HCN1: variants seen among roughly 807,000 people sequenced by gnomAD.
HCN1 encodes hyperpolarization activated cyclic nucleotide gated potassium channel 1.
HCN1 carries 13 observed loss-of-function variants against 78.9 expected under a neutral mutation model. The observed-to-expected ratio is 0.16, with a 90% confidence interval of 0.11 to 0.26. The LOEUF is 0.26. HCN1 is among the 10% of genes least tolerant of loss of function. The pLI, the probability that HCN1 is intolerant of heterozygous loss-of-function variation, is 1.00. For missense variants in HCN1, 810 were observed against 1,154.3 expected (o/e 0.70, Z 4.32); for synonymous variants, 552 against 455.5 (o/e 1.21, Z -2.70).
intron 2 of HCN1, among the ~76,000 whole-genome samples, chr5:45,607,590 T>C (rs1744748459): frequency 6.7e-6 from 1 of 148,896 alleles, no homozygotes; most frequent in Non-Finnish European, 1.5e-5. Flanking sequence ...TATATATATA[T>C]ATATATCTAT....
intron 3 of HCN1, among the ~76,000 whole-genome samples, chr5:45,424,119 C>CAAAAAAAAAAAAA (rs35117761): frequency 2.9e-5 from 2 of 67,938 alleles, no homozygotes; most frequent in African/African-American, 1.0e-4. Flanking sequence ...ACTAAAAATC[C>CAAAAAAAAAAAAA]AAAAAAAAAA....
intron 3 of HCN1, among the ~76,000 whole-genome samples, chr5:45,399,193 C>T (rs1345053256): frequency 6.6e-6 from 1 of 152,194 alleles, no homozygotes; most frequent in Non-Finnish European, 1.5e-5. Flanking sequence ...CAGATAGTCA[C>T]TCCTAATCTG....
Position 45,267,212 on chromosome 5 carries a change from G to C in HCN1, c.1660C>G (p.Arg554Gly). 1 of 1,613,916 alleles carries C rather than the reference G, an allele frequency of 6.2e-7. No homozygotes were observed. Among genetic ancestry groups the C allele is most frequent in the Non-Finnish European group, 8.5e-7 (1 of 1,179,926 alleles). The stretch of plus-strand genomic sequence containing the variant: ...TAAAGACGACAATATGTATCAGCTC[G>C]AACACTGGCAGTACGACGTCCTTTG... ...LTKGRRTASV[R>G]ADTYCRLYSL... is the part of the protein sequence containing the mutation. The change falls in exon 7 of 8, where the codon CGA (arginine) becomes GGA (glycine). Residue 554 changes from arginine to glycine, a missense_variant. Physicochemically the swap from Arg to Gly is moderately radical, Grantham distance 125. Around this residue, in one of 6 missense-constraint regions of HCN1, gnomAD observed 36 missense variants for 58.5 expected, o/e 0.62. Transcript: ENST00000303230.
chr5:45,332,611 G>A (rs934427596), intron 5 of HCN1, among the ~76,000 whole-genome samples: 4 of 150,922 alleles, frequency 2.7e-5, no homozygotes, highest in Non-Finnish European at 5.9e-5. Flanking sequence ...TACCCAGTAA[G>A]CATCCCCACC....
chr5:45,653,844 C>T (rs1367506066), intron 1 of HCN1, among the ~76,000 whole-genome samples: 1 of 151,886 alleles, frequency 6.6e-6, no homozygotes, highest in Non-Finnish European at 1.5e-5. Context: ...GGGTGCAGCG[C>T]ACCAGCATGT....
chr5:45,659,666 T>TCAGGAGC (rs1745879666), intron 1 of HCN1, among the ~76,000 whole-genome samples: 1 of 139,776 alleles, frequency 7.2e-6, no homozygotes, highest in Non-Finnish European at 1.5e-5. Context: ...TGCAGAAGCC[T>TCAGGAGC]CAGGAGCCGA....
rs7704192 is a variant in HCN1, at chr5:45,486,745, A to G, written c.850-24738T>C. 7.4e-3 allele frequency among the ~76,000 whole-genome samples: 1,134 copies of G among 152,280 alleles called. 13 individuals are homozygous for G. The highest frequency in any genetic ancestry group is 0.026 in the African/African-American group (1,087 of 41,572). ...TAAAGTATAATTTGTTAAATATTTT[A>G]GGAATATTGTACAAGTATAATATCA... On this transcript the variant is annotated intron_variant, in intron 2 of 7. Coordinates refer to ENST00000303230, the MANE Select transcript of HCN1 (RefSeq NM_021072.4).
intron 2 of HCN1, among the ~76,000 whole-genome samples, chr5:45,635,117 T>C (rs547364043): frequency 6.6e-6 from 1 of 152,234 alleles, no homozygotes; most frequent in African/African-American, 2.4e-5. Flanking sequence ...CTTTCATAGA[T>C]TCTGTGAAAG....
chr5:45,329,894 T>C (rs1319972926), intron 5 of HCN1, among the ~76,000 whole-genome samples: 2 of 151,342 alleles, frequency 1.3e-5, no homozygotes, highest in Non-Finnish European at 3.0e-5. Flanking sequence ...GAAAGACTGG[T>C]ATTATTATTT....
chr5:45,539,932 A>G (rs1050293672), intron 2 of HCN1, among the ~76,000 whole-genome samples: 2 of 31,554 alleles, frequency 6.3e-5, no homozygotes, highest in Admixed American at 8.4e-4. Context: ...ATATATATAT[A>G]TATATATATA....
intron 5 of HCN1, among the ~76,000 whole-genome samples, chr5:45,307,558 A>G (rs898493924): frequency 3.3e-5 from 5 of 152,134 alleles, no homozygotes; most frequent in African/African-American, 1.2e-4. Flanking sequence ...CACCAAACCC[A>G]TAATCCCATT....
intron 2 of HCN1, among the ~76,000 whole-genome samples, chr5:45,470,213 T>C (rs1741363278): frequency 6.6e-6 from 1 of 151,974 alleles, no homozygotes; most frequent in African/African-American, 2.4e-5. Context: ...TGGGTTTGTG[T>C]CAGAGATGCT....
At chr5:45,445,983 C>A (rs1740785759) in intron 3 of HCN1, among the ~76,000 whole-genome samples, 1 of 152,208 alleles carries the variant, frequency 6.6e-6, no homozygotes, top group African/African-American at 2.4e-5. Flanking sequence ...CAGAGCATCT[C>A]TCCTCCTCCA....
At chr5:45,617,311 A>C (rs1183769064) in intron 2 of HCN1, 1 of 152,068 alleles carries the variant, frequency 6.6e-6, no homozygotes, top group Admixed American at 6.6e-5. Flanking sequence ...TTTAAAACAC[A>C]AGTTAATCAT....
chr5:45,592,096 T>C (rs1431087604), intron 2 of HCN1, among the ~76,000 whole-genome samples: 8 of 152,306 alleles, frequency 5.3e-5, no homozygotes, highest in African/African-American at 1.9e-4. Flanking sequence ...TGTCAAAAAT[T>C]ACTTGACTCT....
At chr5:45,447,350 C>CTAG (rs1364403967) in intron 3 of HCN1, among the ~76,000 whole-genome samples, 1 of 152,182 alleles carries the variant, frequency 6.6e-6, no homozygotes, top group African/African-American at 2.4e-5. Context: ...TCCAGTTATC[C>CTAG]TCCTACTTAA....
intron 2 of HCN1, among the ~76,000 whole-genome samples, chr5:45,532,946 T>C (rs1463406267): frequency 6.6e-6 from 1 of 152,202 alleles, no homozygotes; most frequent in Admixed American, 6.5e-5. Context: ...TCTTGTAAAC[T>C]GCCCTTATTC....
chr5:45,343,599 T>G (rs1334512220), intron 5 of HCN1, among the ~76,000 whole-genome samples: 1 of 152,092 alleles, frequency 6.6e-6, no homozygotes, highest in African/African-American at 2.4e-5. Context: ...GACTAAAGAA[T>G]GTACAGAGAG....
chr5:45,352,827 G>A (rs144875069), intron 5 of HCN1, among the ~76,000 whole-genome samples: 14 of 151,840 alleles, frequency 9.2e-5, no homozygotes, highest in Non-Finnish European at 1.8e-4. Context: ...AGAAAAATGG[G>A]GACAATATAG....
Sources: allele counts gnomAD v4.1 joint callset (sites outside exome capture counted in the v4.1 genomes callset), GRCh38; gene constraint gnomAD v4.1.1; regional missense constraint gnomAD v4.1.1; transcripts MANE v1.5; gene names NCBI Gene and HGNC (gene_info 2026-07-23, HGNC 2026-07-21).